The following CUX1 variants were observed in gnomAD, a reference collection of about 807,000 sequenced individuals.
The protein encoded by CUX1 is protein CASP.
CUX1 carries 31 observed loss-of-function variants against 158.8 expected under a neutral mutation model. The observed-to-expected ratio is 0.20, with a 90% CI of 0.15 to 0.26. The LOEUF is 0.26. Ranked by LOEUF, CUX1 falls within the 10% of genes least tolerant of loss-of-function variation. The pLI, the probability that CUX1 is intolerant of heterozygous loss-of-function variation, is 1.00. For synonymous variants in CUX1, 879 were observed against 862.1 expected (o/e 1.02, Z -0.34); for missense variants, 1,589 against 2,014.6 (o/e 0.79, Z 4.04).
chr7:102,089,829 T>C (rs1554481677), intron 4 of CUX1, among the ~76,000 whole-genome samples: 2 of 152,250 alleles, frequency 1.3e-5, no homozygotes, highest in African/African-American at 2.4e-5. Flanking sequence ...TGTCCTTCAA[T>C]GGACAGGGAG....
chr7:102,165,187 C>T (rs1309719163), intron 9 of CUX1, among the ~76,000 whole-genome samples: 1 of 151,994 alleles, frequency 6.6e-6, no homozygotes, highest in Non-Finnish European at 1.5e-5. Context: ...TGCAGCTGGC[C>T]CAAGGCCCTG....
At chr7:102,175,116 T>A (rs541422679) in intron 10 of CUX1, among the ~76,000 whole-genome samples, 57 of 152,268 alleles carry the variant, frequency 3.7e-4, no homozygotes, top group African/African-American at 1.3e-3. Flanking sequence ...TTGCTGGGAG[T>A]TGGCCAGTGT....
chr7:101,926,920 G>T (rs1387412233), intron 2 of CUX1, among the ~76,000 whole-genome samples: 1 of 152,112 alleles, frequency 6.6e-6, no homozygotes, highest in African/African-American at 2.4e-5. Context: ...AGGGCCAGGG[G>T]CAGTCAGATA....
At chr7:101,988,807 C>T (rs1444643065) in intron 2 of CUX1, among the ~76,000 whole-genome samples, 1 of 151,934 alleles carries the variant, frequency 6.6e-6, no homozygotes, top group African/African-American at 2.4e-5. Context: ...TTGAGCCAGC[C>T]TCGGCAGCAT....
At chr7:102,088,286 C>T in intron 4 of CUX1, among the ~76,000 whole-genome samples, 1 of 152,196 alleles carries the variant, frequency 6.6e-6, no homozygotes, top group East Asian at 1.9e-4. Flanking sequence ...GCGTGAGCCA[C>T]CGCGTCCAGC....
chr7:102,096,343 A>C (rs1442420704), intron 4 of CUX1, among the ~76,000 whole-genome samples: 1 of 96,042 alleles, frequency 1.0e-5, no homozygotes, highest in Non-Finnish European at 2.1e-5. Context: ...ATGTCATGAA[A>C]TGGGGTGGCT....
chr7:102,003,152 G>A (rs994125760), intron 2 of CUX1, among the ~76,000 whole-genome samples: 3 of 152,014 alleles, frequency 2.0e-5, no homozygotes, highest in African/African-American at 7.3e-5. Flanking sequence ...GCCCGCCTCG[G>A]CCTCCCAAAG....
At chr7:102,073,165 C>CTTTTTTTTTCTTTTTTTTTTTT (rs1826329873) in intron 4 of CUX1, among the ~76,000 whole-genome samples, 1 of 66,890 alleles carries the variant, frequency 1.5e-5, no homozygotes, top group African/African-American at 6.4e-5. Context: ...TCTTTTCTTT[C>CTTTTTTTTTCTTTTTTTTTTTT]TTTTTTTTTT....
intron 1 of CUX1, among the ~76,000 whole-genome samples, chr7:101,836,172 C>T (rs1042761304): frequency 5.3e-5 from 8 of 152,154 alleles, no homozygotes; most frequent in African/African-American, 1.9e-4. Flanking sequence ...TGCATTTTGG[C>T]CTCTTATGTG....
chr7:101,943,078 CTTTTTTTTTTTTTTT>C (rs58332486), intron 2 of CUX1, among the ~76,000 whole-genome samples: 4 of 80,334 alleles, frequency 5.0e-5, no homozygotes, highest in Admixed American at 1.5e-4. Context: ...CTGGTCAGTG[CTTTTTTTTTTTTTTT>C]TTTTTTTTTT....
intron 1 of CUX1, among the ~76,000 whole-genome samples, chr7:101,907,957 A>G (rs1376197616): frequency 6.6e-6 from 1 of 152,114 alleles, no homozygotes; most frequent in Non-Finnish European, 1.5e-5. Flanking sequence ...TCCATCTATT[A>G]AAGAAAAAAA....
At chr7:101,968,558 G>C (rs776503697) in intron 2 of CUX1, among the ~76,000 whole-genome samples, 10 of 152,056 alleles carry the variant, frequency 6.6e-5, no homozygotes, top group African/African-American at 9.7e-5. Flanking sequence ...GAGTAGCTGG[G>C]GTTACAGGCG....
intron 2 of CUX1, among the ~76,000 whole-genome samples, chr7:101,943,731 C>A (rs887092392): frequency 6.6e-6 from 1 of 151,736 alleles, no homozygotes; most frequent in African/African-American, 2.4e-5. Flanking sequence ...TCGTTGGCAC[C>A]TTTTGGCTTG....
chr7:102,129,052 G>C (rs1832948282), intron 8 of CUX1, among the ~76,000 whole-genome samples: 1 of 152,086 alleles, frequency 6.6e-6, no homozygotes, highest in Non-Finnish European at 1.5e-5. Flanking sequence ...TGCTGCTCCT[G>C]CTGCCTGCAA....
At chr7:102,280,142 A>C in intron 19 of CUX1, 1 of 1,507,922 alleles carries the variant, frequency 6.6e-7, no homozygotes, top group Non-Finnish European at 9.2e-7. Flanking sequence ...CAGCCTGGGC[A>C]GGGGAGGGGA....
At chr7:102,211,544 G>A (rs1418030600) in intron 20 of CUX1, among the ~76,000 whole-genome samples, 1 of 151,946 alleles carries the variant, frequency 6.6e-6, no homozygotes, top group Admixed American at 6.6e-5. Context: ...ACTTTGAGAG[G>A]CCGAGGCAGG....
chr7:101,923,217 C>T (rs1178003575), intron 2 of CUX1, among the ~76,000 whole-genome samples: 3 of 152,184 alleles, frequency 2.0e-5, no homozygotes, highest in Non-Finnish European at 2.9e-5. Context: ...CCCAGTGCTC[C>T]TGCGACATCG....
intron 2 of CUX1, among the ~76,000 whole-genome samples, chr7:101,939,790 CT>C (rs1381374507): frequency 6.6e-6 from 1 of 151,268 alleles, no homozygotes; most frequent in Non-Finnish European, 1.5e-5. Context: ...AGTGAGACCC[CT>C]GTCTATAAAA....
intron 4 of CUX1, among the ~76,000 whole-genome samples, chr7:102,081,071 C>T (rs925351745): frequency 3.9e-5 from 6 of 152,208 alleles, no homozygotes; most frequent in African/African-American, 7.2e-5. Flanking sequence ...TGGGAGGTGA[C>T]TGCCTGCTGA....
Sources: allele counts gnomAD v4.1 joint callset (sites outside exome capture counted in the v4.1 genomes callset), GRCh38; gene constraint gnomAD v4.1.1; transcripts MANE v1.5; gene names NCBI Gene and HGNC (gene_info 2026-07-23, HGNC 2026-07-21).